DPH6: variants seen among roughly 807,000 people sequenced by gnomAD.
DPH6 encodes the protein diphthine--ammonia ligase.
DPH6 carries 33 observed loss-of-function variants against 38.2 expected under a neutral mutation model. That is an observed-to-expected ratio of 0.86 (90% CI 0.65 to 1.15). The LOEUF is 1.15. Among genes scored for constraint, DPH6 ranks in the 50% most tolerant of loss-of-function variants. The probability of loss-of-function intolerance (pLI) is 0.00; values close to 1 mark genes in which losing one functional copy is unlikely to be tolerated. For missense variants in DPH6, 325 were observed against 320.0 expected, an observed-to-expected ratio of 1.02 and a Z score of -0.12; for synonymous variants, 108 against 103.0, an observed-to-expected ratio of 1.05 and a Z score of -0.30.
intron 3 of DPH6, among the ~76,000 whole-genome samples, chr15:35,283,663 C>T (rs572569741): frequency 8.5e-5 from 13 of 152,144 alleles, no homozygotes; most frequent in African/African-American, 2.6e-4. Flanking sequence ...AGAATCCTAT[C>T]ACCAACACCA....
downstream of DPH6, among the ~76,000 whole-genome samples, chr15:35,217,094 T>A (rs1031699002): frequency 6.6e-6 from 1 of 152,192 alleles, no homozygotes; most frequent in African/African-American, 2.4e-5. Flanking sequence ...ATGTAAGTGA[T>A]AATAATGTTA....
At chr15:35,426,097 C>A (rs1043921237) in intron 5 of DPH6, among the ~76,000 whole-genome samples, 7 of 151,144 alleles carry the variant, frequency 4.6e-5, no homozygotes, top group Non-Finnish European at 7.4e-5. Context: ...ATACAGTACT[C>A]GAAATTTGTA....
chr15:35,335,970 T>C (rs2052368308), intron 3 of DPH6, among the ~76,000 whole-genome samples: 1 of 152,198 alleles, frequency 6.6e-6, no homozygotes. Flanking sequence ...TAAATTACTT[T>C]GGGTAGTATG....
At chr15:35,271,209 T>C (rs1280473353) in intron 3 of DPH6, among the ~76,000 whole-genome samples, 7 of 152,134 alleles carry the variant, frequency 4.6e-5, no homozygotes, top group South Asian at 2.1e-4. Context: ...ACAGTTCCCA[T>C]AGGAAAAGAA....
intron 3 of DPH6, chr15:35,521,522 G>A: frequency 8.2e-7 from 1 of 1,221,078 alleles, no homozygotes; most frequent in Admixed American, 4.3e-5. Flanking sequence ...ACTATGAAGA[G>A]TTGTGTTCAA....
intron 5 of DPH6, among the ~76,000 whole-genome samples, chr15:35,446,269 C>T (rs1333989789): frequency 5.0e-5 from 7 of 139,556 alleles, no homozygotes; most frequent in African/African-American, 1.4e-4. Context: ...TCTTGCTCTT[C>T]ACCCAGGTTG....
intron 3 of DPH6, among the ~76,000 whole-genome samples, chr15:35,480,557 C>T (rs951481523): frequency 6.6e-6 from 1 of 151,932 alleles, no homozygotes; most frequent in East Asian, 1.9e-4. Flanking sequence ...ACAGAATGGC[C>T]TTTAAAACAT....
rs140673053 is a variant in DPH6, at chr15:35,466,877, A to T, written c.313-12057T>A. Among the ~76,000 whole-genome samples the T allele has an allele frequency of 1.1e-4, 16 of 152,358 alleles. 1 individual carries two copies. Among genetic ancestry groups the T allele is most frequent in the African/African-American group, 2.9e-4 (12 of 41,596 alleles). ...AAGTACAGTAAAAATACAATTAAAA[A>T]GATACAAATGATACACCTTTAAAGT... On this transcript the variant is annotated intron_variant, in intron 3 of 8. Coordinates refer to ENST00000256538, the MANE Select transcript of DPH6 (RefSeq NM_080650.4).
intron 3 of DPH6, among the ~76,000 whole-genome samples, chr15:35,533,394 T>A (rs11634391): frequency 0.085 from 12,974 of 152,130 alleles, 788 homozygotes; most frequent in African/African-American, 0.17. Context: ...ATCAATTAAG[T>A]TTCCCCTTTA....
At chr15:35,329,158 A>G (rs959040330), downstream of DPH6, among the ~76,000 whole-genome samples, 1 of 152,210 alleles carries the variant, frequency 6.6e-6, no homozygotes, top group African/African-American at 2.4e-5. Context: ...ATACAGACTC[A>G]TGGTGATTGA....
At chr15:35,452,329 G>A (rs1315172495) in intron 4 of DPH6, among the ~76,000 whole-genome samples, 2 of 152,140 alleles carry the variant, frequency 1.3e-5, no homozygotes, top group African/African-American at 4.8e-5. Flanking sequence ...GATAGTCAAA[G>A]CCAAGTGACT....
the DPH6 span, among the ~76,000 whole-genome samples, chr15:35,186,038 G>A: frequency 6.6e-6 from 1 of 151,940 alleles, no homozygotes; most frequent in African/African-American, 2.4e-5. Flanking sequence ...CCGGCCCCCA[G>A]TCCACTCATT....
At chr15:35,454,843 T>A in intron 3 of DPH6, 23 bp from the exon 4 acceptor site, 1 of 1,560,988 alleles carries the variant, frequency 6.4e-7, no homozygotes, top group Non-Finnish European at 8.7e-7. Flanking sequence ...AAAAAAACCA[T>A]AACTTTAAAA....
At chr15:35,364,853 T>C (rs111737801) in intron 3 of DPH6, among the ~76,000 whole-genome samples, 12 of 152,180 alleles carry the variant, frequency 7.9e-5, no homozygotes, top group African/African-American at 2.2e-4. Flanking sequence ...CTTTTAAACA[T>C]TGCATCTTCC....
intron 3 of DPH6, among the ~76,000 whole-genome samples, chr15:35,350,384 C>A (rs1261202060): frequency 6.7e-6 from 1 of 150,358 alleles, no homozygotes; most frequent in Non-Finnish European, 1.5e-5. Context: ...TTCAAAAAAC[C>A]AATTTAGTTT....
chr15:35,433,318 C>T (rs1595558646), intron 5 of DPH6, among the ~76,000 whole-genome samples: 1 of 152,102 alleles, frequency 6.6e-6, no homozygotes, highest in Non-Finnish European at 1.5e-5. Flanking sequence ...AACTTGCTTT[C>T]GTTTGTTAGA....
the DPH6 span, among the ~76,000 whole-genome samples, chr15:35,194,558 C>T: frequency 6.6e-6 from 1 of 152,200 alleles, no homozygotes; most frequent in Non-Finnish European, 1.5e-5. Context: ...TTAATAATAA[C>T]CTATTTTTCT....
downstream of DPH6, among the ~76,000 whole-genome samples, chr15:35,214,484 C>T (rs2051402587): frequency 6.6e-6 from 1 of 152,210 alleles, no homozygotes; most frequent in Non-Finnish European, 1.5e-5. Flanking sequence ...TATTACTCCC[C>T]ACTTTCTATC....
At position 35,517,484 on chromosome 15, in the gene DPH6, T is replaced by C. The variant is rs74010323; in HGVS notation, c.312+20790A>G. 8.3e-3 allele frequency among the ~76,000 whole-genome samples: 1,263 copies of C among 152,248 alleles called. 20 individuals carry two copies. The highest frequency in any genetic ancestry group is 0.029 in the African/African-American group (1,198 of 41,546). On this transcript the variant is annotated intron_variant, in intron 3 of 8. Transcript: ENST00000256538. Reference sequence around the variant, plus strand: ...CTTGTCAGTCTTGTAAGCCAGAATGTAATTTTAAACATATTTCTTACTGTA... The same window carrying C: ...CTTGTCAGTCTTGTAAGCCAGAATGCAATTTTAAACATATTTCTTACTGTA...
Sources: allele counts gnomAD v4.1 joint callset (sites outside exome capture counted in the v4.1 genomes callset), GRCh38; gene constraint gnomAD v4.1.1; transcripts MANE v1.5; gene names NCBI Gene and HGNC (gene_info 2026-07-23, HGNC 2026-07-21).